CENPU: variants seen among roughly 807,000 people sequenced by gnomAD.
The protein encoded by CENPU is KSHV latent nuclear antigen interacting protein 1.
A neutral mutation model predicts 56.7 loss-of-function variants in CENPU; 46 were observed. That is an observed-to-expected ratio of 0.81 (90% CI 0.64 to 1.04). The LOEUF (loss-of-function observed/expected upper bound fraction) is 1.04, where lower values mean the gene tolerates loss of function less well. Ranked by LOEUF, CENPU falls within the 50% of genes least tolerant of loss-of-function variation. The pLI, the probability that CENPU is intolerant of heterozygous loss-of-function variation, is 0.00. For synonymous variants in CENPU, 166 were observed against 163.0 expected (o/e 1.02, Z -0.14); for missense variants, 510 against 490.1 (o/e 1.04, Z -0.38).
intron 8 of CENPU, among the ~76,000 whole-genome samples, chr4:184,707,649 C>T (rs1404082751): frequency 6.6e-6 from 1 of 152,186 alleles, no homozygotes; most frequent in Non-Finnish European, 1.5e-5. Context: ...GCTTACCCCA[C>T]CCCCTGCACT....
intron 4 of CENPU, among the ~76,000 whole-genome samples, chr4:184,720,846 T>C (rs1761250840): frequency 6.6e-6 from 1 of 152,150 alleles, no homozygotes; most frequent in Non-Finnish European, 1.5e-5. Flanking sequence ...TGAGAAATTT[T>C]ATCAACTCCA....
chr4:184,731,883 C>CTGTGTGAGTGTGTG (rs1761659283), intron 1 of CENPU, among the ~76,000 whole-genome samples: 1 of 146,640 alleles, frequency 6.8e-6, no homozygotes, highest in Admixed American at 6.8e-5. Context: ...CTCATGTGCT[C>CTGTGTGAGTGTGTG]TGTGTGTGTG....
At chr4:184,713,433 C>T (rs552484537) in intron 6 of CENPU, among the ~76,000 whole-genome samples, 1 of 152,136 alleles carries the variant, frequency 6.6e-6, no homozygotes, top group African/African-American at 2.4e-5. Flanking sequence ...TCATTTAGTT[C>T]TAAAACAGAT....
At chr4:184,697,610 T>A (rs759759008) in intron 12 of CENPU, 37 bp downstream of exon 12, 10 of 1,601,886 alleles carry the variant, frequency 6.2e-6, no homozygotes, top group South Asian at 1.1e-5. Flanking sequence ...CCCACAATCA[T>A]CTTCTGAAGC....
chr4:184,702,079 A>T lies in CENPU; in HGVS notation c.924+10T>A. 2 of 1,587,816 alleles carry T rather than the reference A, an allele frequency of 1.3e-6. No individual in the cohort carries two copies. Among genetic ancestry groups the T allele is most frequent in the Non-Finnish European group, 1.7e-6 (2 of 1,157,842 alleles). ...TTGACTCTATGACTCTAATCACATA[A>T]ATAATTTACCTTAGCATTCTTCCTT... On this transcript the variant is annotated intron_variant, in intron 10 of 12. Transcript: ENST00000281453.
intron 3 of CENPU, 72 bp from the exon 4 acceptor site, chr4:184,725,134 T>C: frequency 1.3e-6 from 1 of 786,750 alleles, no homozygotes; most frequent in Non-Finnish European, 2.0e-6. Context: ...TTTATTCCCT[T>C]ACAATGGAGT....
chr4:184,695,686 G>A (rs1252735821), intron 12 of CENPU, among the ~76,000 whole-genome samples: 1 of 152,144 alleles, frequency 6.6e-6, no homozygotes, highest in Non-Finnish European at 1.5e-5. Flanking sequence ...ACTGGAGACA[G>A]GAAATCACAT....
At chr4:184,719,142 A>G (rs1436537949) in intron 4 of CENPU, among the ~76,000 whole-genome samples, 1 of 151,938 alleles carries the variant, frequency 6.6e-6, no homozygotes, top group African/African-American at 2.4e-5. Flanking sequence ...CTGCAGGAAC[A>G]CCAAGTTTAA....
At chr4:184,700,198 G>A (rs1211265576) in intron 11 of CENPU, among the ~76,000 whole-genome samples, 1 of 152,054 alleles carries the variant, frequency 6.6e-6, no homozygotes, top group Non-Finnish European at 1.5e-5. Context: ...CCAGAAACTG[G>A]GGGCAGCCCT....
chr4:184,700,375 T>C (rs546693950), intron 11 of CENPU, among the ~76,000 whole-genome samples: 12 of 152,366 alleles, frequency 7.9e-5, no homozygotes, highest in Non-Finnish European at 2.9e-5. Flanking sequence ...TATGTACTTA[T>C]TTAATTTCCA....
At chr4:184,710,919 G>T (rs767761625) in intron 7 of CENPU, among the ~76,000 whole-genome samples, 1 of 152,068 alleles carries the variant, frequency 6.6e-6, no homozygotes, top group Non-Finnish European at 1.5e-5. Context: ...GCAGTAGCAC[G>T]CTCACCACTC....
intron 1 of CENPU, among the ~76,000 whole-genome samples, chr4:184,732,248 T>A (rs370558726): frequency 6.7e-6 from 1 of 148,634 alleles, no homozygotes; most frequent in Non-Finnish European, 1.5e-5. Flanking sequence ...GAATCACAGT[T>A]AAAAAAAAAA....
intron 1 of CENPU, among the ~76,000 whole-genome samples, chr4:184,731,883 CTG>C (rs59083873): frequency 7.5e-5 from 11 of 146,748 alleles, no homozygotes; most frequent in African/African-American, 1.5e-4. Flanking sequence ...CTCATGTGCT[CTG>C]TGTGTGTGTG....
chr4:184,701,349 A>G (rs1015730986), intron 10 of CENPU, among the ~76,000 whole-genome samples: 3 of 152,220 alleles, frequency 2.0e-5, no homozygotes, highest in African/African-American at 7.2e-5. Context: ...ACTCCGTAAT[A>G]AGCAATGCAG....
At chr4:184,697,848 C>A (rs749928005) in intron 11 of CENPU, 45 bp from the exon 12 acceptor site, 1 of 1,490,298 alleles carries the variant, frequency 6.7e-7, no homozygotes, top group South Asian at 1.3e-5. Flanking sequence ...ACCAGCCTAT[C>A]GTGGTGAAAC....
chr4:184,703,157 T>A (rs1760599732), intron 8 of CENPU, among the ~76,000 whole-genome samples: 1 of 152,194 alleles, frequency 6.6e-6, no homozygotes, highest in Non-Finnish European at 1.5e-5. Context: ...CGGGGTCATC[T>A]TAATTCCCTG....
At chr4:184,699,588 G>A (rs1482038571) in intron 11 of CENPU, 26 of 1,288,846 alleles carry the variant, frequency 2.0e-5, no homozygotes, top group Non-Finnish European at 2.6e-5. Context: ...CCATAGGCCA[G>A]CACCTGTCCA....
chr4:184,729,508 G>C (rs911537902), intron 2 of CENPU, among the ~76,000 whole-genome samples: 1 of 152,152 alleles, frequency 6.6e-6, no homozygotes, highest in African/African-American at 2.4e-5. Context: ...ACTGCAATTT[G>C]AATTTCATAT....
intron 8 of CENPU, among the ~76,000 whole-genome samples, chr4:184,706,927 A>G (rs1314602547): frequency 1.4e-5 from 2 of 145,364 alleles, no homozygotes; most frequent in Admixed American, 6.7e-5. Flanking sequence ...TAAGTTCTTG[A>G]TATAAGAAAT....
Sources: gnomAD v4.1 joint callset for allele counts (sites outside exome capture counted in the v4.1 genomes callset) on GRCh38, gnomAD v4.1.1 for gene constraint, MANE v1.5 for transcripts, NCBI Gene and HGNC (gene_info 2026-07-23, HGNC 2026-07-21) for gene names.